SEMA5A: variants seen among roughly 807,000 people sequenced by gnomAD.
The protein encoded by SEMA5A is semaphorin 5A.
A neutral mutation model predicts 135.5 loss-of-function variants in SEMA5A; 55 were observed. The ratio of observed to expected loss-of-function variants is 0.41; its 90% CI spans 0.33 to 0.51. The LOEUF (loss-of-function observed/expected upper bound fraction) is 0.51, where lower values mean the gene tolerates loss of function less well. SEMA5A is among the 20% of genes least tolerant of loss of function. The pLI is 0.37. For synonymous variants in SEMA5A, 580 were observed against 546.5 expected (o/e 1.06, Z -0.85); for missense variants, 1,290 against 1,419.9 (o/e 0.91, Z 1.47).
chr5:9,508,383 C>G (rs139839263), intron 1 of SEMA5A, among the ~76,000 whole-genome samples: 284 of 152,310 alleles, frequency 1.9e-3, no homozygotes, highest in African/African-American at 6.4e-3. Flanking sequence ...CCTATCACCA[C>G]TGTAAATGTC....
intron 2 of SEMA5A, among the ~76,000 whole-genome samples, chr5:9,422,083 A>G (rs1426178867): frequency 6.6e-6 from 1 of 152,246 alleles, no homozygotes. Flanking sequence ...TTACTAAGAT[A>G]AAACATCCAG....
At chr5:9,472,021 G>C (rs1002950388) in intron 1 of SEMA5A, among the ~76,000 whole-genome samples, 3 of 152,194 alleles carry the variant, frequency 2.0e-5, no homozygotes, top group African/African-American at 7.2e-5. Context: ...TATACTTTAA[G>C]TTTTAGGGTA....
chr5:9,254,084 C>T (rs1405288121), intron 5 of SEMA5A, among the ~76,000 whole-genome samples: 1 of 152,048 alleles, frequency 6.6e-6, no homozygotes, highest in Non-Finnish European at 1.5e-5. Flanking sequence ...CAAGAAAATG[C>T]CACAAAACAG....
chr5:9,392,264 C>T (rs985545421), intron 2 of SEMA5A, among the ~76,000 whole-genome samples: 3 of 152,126 alleles, frequency 2.0e-5, no homozygotes, highest in Non-Finnish European at 4.4e-5. Flanking sequence ...TTGACTGATA[C>T]ATTTTTGAGT....
At chr5:9,212,508 A>G (rs150811728) in intron 8 of SEMA5A, among the ~76,000 whole-genome samples, 23 of 152,328 alleles carry the variant, frequency 1.5e-4, no homozygotes, top group African/African-American at 5.3e-4. Context: ...AATTGATTGT[A>G]CTGCCTTTGA....
At chr5:9,074,885 G>T (rs1338988503) in intron 16 of SEMA5A, among the ~76,000 whole-genome samples, 1 of 152,112 alleles carries the variant, frequency 6.6e-6, no homozygotes, top group Non-Finnish European at 1.5e-5. Flanking sequence ...GATTTACTCA[G>T]CCACCCCAAA....
At chr5:9,137,741 C>A (rs1174483775) in intron 12 of SEMA5A, among the ~76,000 whole-genome samples, 1 of 152,136 alleles carries the variant, frequency 6.6e-6, no homozygotes, top group Non-Finnish European at 1.5e-5. Flanking sequence ...AACCATCAAC[C>A]CTGTCAGCAG....
At chr5:9,119,193 A>G (rs754807899) in intron 14 of SEMA5A, 52 bp from the exon 15 acceptor site, 1 of 1,591,386 alleles carries the variant, frequency 6.3e-7, no homozygotes, top group Non-Finnish European at 8.6e-7. Flanking sequence ...TCAGAGTCCA[A>G]GCCCTGTCTG....
chr5:9,257,434 T>C (rs906623183), intron 5 of SEMA5A, among the ~76,000 whole-genome samples: 7 of 145,942 alleles, frequency 4.8e-5, no homozygotes, highest in African/African-American at 1.7e-4. Context: ...ATCTGTATAC[T>C]ACCCACATAG....
At chr5:9,415,157 C>T (rs1236813955) in intron 2 of SEMA5A, among the ~76,000 whole-genome samples, 1 of 152,168 alleles carries the variant, frequency 6.6e-6, no homozygotes, top group Non-Finnish European at 1.5e-5. Context: ...CAGCTATTAC[C>T]AAGTGCTTCT....
In SEMA5A at chr5:9,044,451, G is replaced by C; in HGVS notation, c.3027C>G (p.Val1009=). ...TGCTGGTATTAAGGGGGGCAGGTGA[G>C]ACGGGGTGGATGACAGTCGCATCGT... ...QSHDATVIHP[V]SPAPLNTSIT... Residue 1009 remains valine (V), a synonymous_variant, in exon 22 of 23, where the codon GTC becomes GTG. Transcript: ENST00000382496. The C allele has an allele frequency of 6.2e-7, 1 of 1,614,014 alleles. No individual in the cohort carries two copies. Among genetic ancestry groups the C allele is most frequent in the Middle Eastern group, 1.7e-4 (1 of 5,996 alleles).
intron 16 of SEMA5A, among the ~76,000 whole-genome samples, chr5:9,069,016 T>A (rs1275267326): frequency 6.6e-6 from 1 of 152,154 alleles, no homozygotes; most frequent in African/African-American, 2.4e-5. Flanking sequence ...TGTGATGACG[T>A]ACAGGGAAGG....
chr5:9,516,424 C>T (rs916533665), intron 1 of SEMA5A: 3 of 151,884 alleles, frequency 2.0e-5, no homozygotes, highest in African/African-American at 7.2e-5. Flanking sequence ...AGAGATTTCT[C>T]TTATTTACCA....
chr5:9,514,180 C>T (rs1417941084), intron 1 of SEMA5A, among the ~76,000 whole-genome samples: 1 of 152,172 alleles, frequency 6.6e-6, no homozygotes, highest in Non-Finnish European at 1.5e-5. Context: ...ATCTTCACAT[C>T]GCCTTTTCCT....
intron 1 of SEMA5A, among the ~76,000 whole-genome samples, chr5:9,443,308 T>C (rs1036290594): frequency 6.6e-6 from 1 of 151,662 alleles, no homozygotes; most frequent in Admixed American, 6.6e-5. Flanking sequence ...AGAACAAGGC[T>C]TTGAGGCAAA....
At chr5:9,124,277 C>G (rs1740985640) in intron 13 of SEMA5A, among the ~76,000 whole-genome samples, 3 of 152,134 alleles carry the variant, frequency 2.0e-5, no homozygotes, top group Admixed American at 2.0e-4. Flanking sequence ...ATGTACCTGG[C>G]TCATTGAAGA....
chr5:9,154,690 C>T lies in SEMA5A; in HGVS notation c.1279G>A (p.Gly427Arg), dbSNP rs751530635. 8 of 1,613,740 alleles carry T rather than the reference C, an allele frequency of 5.0e-6. No homozygotes were observed. The highest frequency in any genetic ancestry group is 1.3e-5 in the African/African-American group (1 of 75,016). The change falls in exon 12 of 23, where the codon GGA (glycine) becomes AGA (arginine). Residue 427 changes from glycine (G) to arginine (R), a missense_variant. Around this residue, in one of 3 missense-constraint regions of SEMA5A, gnomAD observed 1,029 missense variants for 1,086.6 expected, o/e 0.95. Coordinates refer to ENST00000382496, the MANE Select transcript of SEMA5A (RefSeq NM_003966.3). ...GGTACCCGCACTTTCTTAATGGTTC[C>T]GTAATCTATGAAGGTCACAGGATGA... ...VHIIYLATDY[G>R]TIKKVRVPLN...
At chr5:9,317,722 G>C (rs1386512273) in intron 5 of SEMA5A, among the ~76,000 whole-genome samples, 1 of 152,138 alleles carries the variant, frequency 6.6e-6, no homozygotes, top group Non-Finnish European at 1.5e-5. Flanking sequence ...GGGAGTTCCA[G>C]AATCTTGGTG....
intron 4 of SEMA5A, among the ~76,000 whole-genome samples, chr5:9,321,870 A>G (rs1188247083): frequency 3.3e-5 from 5 of 152,222 alleles, no homozygotes; most frequent in Non-Finnish European, 7.3e-5. Context: ...GTGCACATGT[A>G]TGTTCACACT....
Sources: gnomAD v4.1 joint callset for allele counts (sites outside exome capture counted in the v4.1 genomes callset) on GRCh38, gnomAD v4.1.1 for gene constraint, gnomAD v4.1.1 regional missense constraint, MANE v1.5 for transcripts, NCBI Gene and HGNC (gene_info 2026-07-23, HGNC 2026-07-21) for gene names.